Variants in GPC5 observed in about 807,000 individuals in gnomAD.
The protein encoded by GPC5 is glypican 5, also known as glypican-5.
Under a neutral mutation model 53.9 loss-of-function variants are expected in GPC5, and 47 were observed. The observed-to-expected ratio is 0.87, with a 90% CI of 0.69 to 1.11. GPC5 has a LOEUF of 1.11. Among genes scored for constraint, GPC5 ranks in the 50% most tolerant of loss-of-function variants. The probability of loss-of-function intolerance (pLI) is 0.00; values close to 1 mark genes in which losing one functional copy is unlikely to be tolerated. For synonymous variants in GPC5, 286 were observed against 263.3 expected, an observed-to-expected ratio of 1.09 and a Z score of -0.84; for missense variants, 748 against 713.1, an observed-to-expected ratio of 1.05 and a Z score of -0.56.
intron 7 of GPC5, among the ~76,000 whole-genome samples, chr13:92,489,585 C>T (rs1008083985): frequency 1.3e-5 from 2 of 152,088 alleles, no homozygotes; most frequent in Admixed American, 6.6e-5. Flanking sequence ...GAGATACCCA[C>T]GTGGATACCT....
chr13:91,904,243 C>T (rs1274401693), intron 5 of GPC5, among the ~76,000 whole-genome samples: 1 of 146,362 alleles, frequency 6.8e-6, no homozygotes, highest in Non-Finnish European at 1.5e-5. Context: ...GGTGTGATCA[C>T]AGCTCACTGC....
chr13:92,737,620 A>ATTTG (rs1424234049), intron 7 of GPC5, among the ~76,000 whole-genome samples: 1 of 151,920 alleles, frequency 6.6e-6, no homozygotes, highest in African/African-American at 2.4e-5. Flanking sequence ...GGCACAGAAA[A>ATTTG]TTTGTTTTTA....
chr13:92,346,587 T>C (rs2043414470), intron 7 of GPC5, among the ~76,000 whole-genome samples: 1 of 152,082 alleles, frequency 6.6e-6, no homozygotes, highest in Admixed American at 6.6e-5. Context: ...CTTAAAAAGA[T>C]CAGAAGAGGA....
In GPC5 at chr13:92,192,278, C is replaced by T. The variant is rs181273249; in HGVS notation, c.1561+47289C>T. ...GTCAATGTTGGTTCATTTATTAAAA[C>T]AAATATACCACTCTCGCAGGGGAAA... is the stretch of plus-strand genomic sequence containing the variant. On this transcript the variant is annotated intron_variant, in intron 7 of 7. Transcript: ENST00000377067. Among the ~76,000 whole-genome samples, 96 of 152,244 alleles carry T rather than the reference C, an allele frequency of 6.3e-4. 1 individual carries two copies. The East Asian group carries it at 0.015, about 25-fold the overall frequency.
At chr13:91,772,746 T>G (rs1400793310) in intron 5 of GPC5, among the ~76,000 whole-genome samples, 2 of 152,158 alleles carry the variant, frequency 1.3e-5, no homozygotes, top group Non-Finnish European at 2.9e-5. Flanking sequence ...TCAAGTGCAG[T>G]GGTCTCCAAA....
At chr13:91,972,699 A>G (rs1050121826) in intron 6 of GPC5, among the ~76,000 whole-genome samples, 2 of 152,098 alleles carry the variant, frequency 1.3e-5, no homozygotes, top group Non-Finnish European at 2.9e-5. Context: ...TTGTCTGTAA[A>G]GTATTTTATT....
At chr13:92,854,499 A>G (rs961932096) in intron 7 of GPC5, among the ~76,000 whole-genome samples, 1 of 151,724 alleles carries the variant, frequency 6.6e-6, no homozygotes, top group African/African-American at 2.4e-5. Flanking sequence ...AAAAATAAAA[A>G]TATCAGCGAT....
chr13:92,293,130 G>T (rs1473694791), intron 7 of GPC5, among the ~76,000 whole-genome samples: 2 of 151,642 alleles, frequency 1.3e-5, no homozygotes, highest in Non-Finnish European at 2.9e-5. Flanking sequence ...TTTTTGTTTA[G>T]TTTTGCTTTG....
chr13:92,261,836 C>G (rs2042769419), intron 7 of GPC5, among the ~76,000 whole-genome samples: 1 of 151,960 alleles, frequency 6.6e-6, no homozygotes, highest in South Asian at 2.1e-4. Flanking sequence ...TTGAAAAGAG[C>G]ATATGATTAA....
At chr13:92,766,673 G>C (rs2138743916) in intron 7 of GPC5, among the ~76,000 whole-genome samples, 1 of 152,222 alleles carries the variant, frequency 6.6e-6, no homozygotes, top group Admixed American at 6.5e-5. Context: ...ATCCATCCAG[G>C]TGGGAATACT....
chr13:92,136,281 A>T (rs1031874001), intron 6 of GPC5, among the ~76,000 whole-genome samples: 3 of 152,184 alleles, frequency 2.0e-5, no homozygotes, highest in Non-Finnish European at 4.4e-5. Context: ...GGTTTCACTT[A>T]GTCTCCATGA....
At chr13:92,419,160 C>T (rs1876447964) in intron 7 of GPC5, among the ~76,000 whole-genome samples, 1 of 152,164 alleles carries the variant, frequency 6.6e-6, no homozygotes, top group Non-Finnish European at 1.5e-5. Context: ...AATAAGACTG[C>T]CACCTGGGTC....
chr13:91,697,023 T>C (rs147513097), intron 3 of GPC5, among the ~76,000 whole-genome samples: 1 of 152,242 alleles, frequency 6.6e-6, no homozygotes, highest in South Asian at 2.1e-4. Flanking sequence ...AATACCATAA[T>C]AGTATCCTTG....
chr13:91,763,797 AAT>A (rs1345380813), intron 5 of GPC5, among the ~76,000 whole-genome samples: 1 of 152,110 alleles, frequency 6.6e-6, no homozygotes, highest in African/African-American at 2.4e-5. Context: ...GTCTATAACA[AAT>A]ATAGTCACCC....
chr13:92,443,791 G>A (rs1877678039), intron 7 of GPC5, among the ~76,000 whole-genome samples: 1 of 152,180 alleles, frequency 6.6e-6, no homozygotes, highest in South Asian at 2.1e-4. Context: ...CATTAGTGCA[G>A]GTGGCCATCT....
At chr13:92,794,078 C>A (rs1040537619) in intron 7 of GPC5, among the ~76,000 whole-genome samples, 65 of 151,940 alleles carry the variant, frequency 4.3e-4, no homozygotes, top group African/African-American at 1.4e-3. Flanking sequence ...AGACACACAA[C>A]AAAAAAAGAG....
intron 5 of GPC5, among the ~76,000 whole-genome samples, chr13:91,795,352 G>T (rs2038030337): frequency 6.6e-6 from 1 of 152,132 alleles, no homozygotes; most frequent in African/African-American, 2.4e-5. Context: ...CTCATTGAAA[G>T]CAACAATTCC....
intron 7 of GPC5, among the ~76,000 whole-genome samples, chr13:92,164,903 A>T (rs9556156): frequency 0.05 from 7,664 of 152,302 alleles, 460 homozygotes; most frequent in African/African-American, 0.14. Context: ...ACACCATGTA[A>T]AAGCCACCAA....
intron 7 of GPC5, among the ~76,000 whole-genome samples, chr13:92,313,662 A>G (rs1241047813): frequency 1.3e-5 from 2 of 152,166 alleles, no homozygotes; most frequent in Non-Finnish European, 2.9e-5. Context: ...ACTTCCATCA[A>G]ACTGTTGGAT....
Sources: allele counts gnomAD v4.1 joint callset (sites outside exome capture counted in the v4.1 genomes callset), GRCh38; gene constraint gnomAD v4.1.1; transcripts MANE v1.5; gene names NCBI Gene and HGNC (gene_info 2026-07-23, HGNC 2026-07-21).